The following TCF20 variants were observed in gnomAD, a reference collection of about 807,000 sequenced individuals.
TCF20 encodes the protein SPRE-binding protein.
TCF20 carries 3 observed loss-of-function variants against 148.6 expected under a neutral mutation model. That is an observed-to-expected ratio of 0.02 (90% CI 0.01 to 0.05). The LOEUF (loss-of-function observed/expected upper bound fraction) is 0.05, where lower values mean the gene tolerates loss of function less well. Ranked by LOEUF, TCF20 falls within the 10% of genes least tolerant of loss-of-function variation. The probability of loss-of-function intolerance (pLI) is 1.00; values close to 1 mark genes in which losing one functional copy is unlikely to be tolerated. For synonymous variants in TCF20, 1,049 were observed against 909.5 expected (o/e 1.15, Z -2.76); for missense variants, 2,350 against 2,429.3 (o/e 0.97, Z 0.69).
intron 2 of TCF20, among the ~76,000 whole-genome samples, chr22:42,191,020 CAAAACAAAGGA>C (rs142956848): frequency 0.013 from 2,045 of 152,078 alleles, 45 homozygotes; most frequent in African/African-American, 0.046. Flanking sequence ...TTTATGGAGG[CAAAACAAAGGA>C]GGAACAAAAA....
At chr22:42,289,606 G>A (rs1462995720) in intron 1 of TCF20, among the ~76,000 whole-genome samples, 1 of 152,228 alleles carries the variant, frequency 6.6e-6, no homozygotes, top group African/African-American at 2.4e-5. Context: ...GTGCGGTGAA[G>A]CTGCAACTCC....
chr22:42,166,384 G>C (rs925668169), intron 5 of TCF20, among the ~76,000 whole-genome samples: 2 of 152,230 alleles, frequency 1.3e-5, no homozygotes, highest in African/African-American at 4.8e-5. Context: ...AAGGCGGGAA[G>C]ATCACTTGAT....
At chr22:42,302,163 T>C (rs1927348418) in intron 1 of TCF20, among the ~76,000 whole-genome samples, 1 of 152,154 alleles carries the variant, frequency 6.6e-6, no homozygotes, top group African/African-American at 2.4e-5. Context: ...GGTGCCTTGA[T>C]GCTGCCTTAA....
At chr22:42,205,963 G>A (rs1938358326) in intron 2 of TCF20, among the ~76,000 whole-genome samples, 2 of 152,038 alleles carry the variant, frequency 1.3e-5, no homozygotes, top group South Asian at 4.1e-4. Context: ...TAGTAGACAC[G>A]GGGTTTGACC....
intron 2 of TCF20, among the ~76,000 whole-genome samples, chr22:42,199,467 A>G (rs1435892817): frequency 6.6e-6 from 1 of 152,146 alleles, no homozygotes; most frequent in Non-Finnish European, 1.5e-5. Context: ...CACAACAGAG[A>G]GGTTTTCTTC....
intron 3 of TCF20, among the ~76,000 whole-genome samples, chr22:42,170,535 G>A (rs1347600795): frequency 6.8e-6 from 1 of 146,460 alleles, no homozygotes; most frequent in Non-Finnish European, 1.5e-5. Flanking sequence ...GGCTGAGGCA[G>A]GAGAATCACT....
chr22:42,300,389 TA>T (rs879379702), intron 1 of TCF20, among the ~76,000 whole-genome samples: 86 of 138,344 alleles, frequency 6.2e-4, no homozygotes, highest in Admixed American at 6.4e-4. Flanking sequence ...TGGCTCAAAC[TA>T]AAAAAAAAAA....
intron 1 of TCF20, among the ~76,000 whole-genome samples, chr22:42,264,254 T>G (rs1025459801): frequency 9.8e-5 from 11 of 111,896 alleles, no homozygotes; most frequent in African/African-American, 3.9e-4. Flanking sequence ...CAGGTCTAGA[T>G]CTAAAGTGGG....
At chr22:42,295,097 T>C (rs1244895489) in intron 1 of TCF20, among the ~76,000 whole-genome samples, 2 of 152,152 alleles carry the variant, frequency 1.3e-5, no homozygotes, top group African/African-American at 4.8e-5. Context: ...CTGAGGGAGA[T>C]GACAGCGTGG....
intron 1 of TCF20, among the ~76,000 whole-genome samples, chr22:42,296,316 CTG>C (rs1174218373): frequency 2.0e-5 from 3 of 152,240 alleles, no homozygotes; most frequent in Non-Finnish European, 2.9e-5. Flanking sequence ...GTGTCTGACC[CTG>C]TGAGACAGGC....
intron 1 of TCF20, among the ~76,000 whole-genome samples, chr22:42,245,664 C>T (rs539905407): frequency 1.3e-5 from 2 of 152,160 alleles, no homozygotes; most frequent in Non-Finnish European, 2.9e-5. Context: ...ACCTTTCTGC[C>T]CACCTGCTCA....
chr22:42,173,874 T>TC (rs1183495907), intron 3 of TCF20, among the ~76,000 whole-genome samples: 2 of 152,100 alleles, frequency 1.3e-5, no homozygotes, highest in Non-Finnish European at 2.9e-5. Context: ...CCCTCACTCC[T>TC]CCCAACCCAG....
intron 1 of TCF20, among the ~76,000 whole-genome samples, chr22:42,220,461 G>A (rs754153174): frequency 1.3e-5 from 2 of 152,172 alleles, no homozygotes; most frequent in Non-Finnish European, 2.9e-5. Context: ...ACCTCCCAAA[G>A]TGCTAGAATT....
intron 1 of TCF20, among the ~76,000 whole-genome samples, chr22:42,248,325 C>G (rs549516641): frequency 6.6e-6 from 1 of 152,276 alleles, no homozygotes; most frequent in South Asian, 2.1e-4. Context: ...GCATGCCAGC[C>G]CTGGCTCTAT....
At chr22:42,291,283 C>T (rs1477548127) in intron 1 of TCF20, among the ~76,000 whole-genome samples, 2 of 152,210 alleles carry the variant, frequency 1.3e-5, no homozygotes, top group South Asian at 2.1e-4. Flanking sequence ...CCAATGACCG[C>T]GGTCCAGCCT....
At chr22:42,168,980 C>T (rs1417324110) in intron 4 of TCF20, among the ~76,000 whole-genome samples, 1 of 151,840 alleles carries the variant, frequency 6.6e-6, no homozygotes, top group Non-Finnish European at 1.5e-5. Context: ...ATCCTGTGAC[C>T]ACTCCCCGCC....
chr22:42,225,000 C>CTTT (rs34550174), intron 1 of TCF20, among the ~76,000 whole-genome samples: 2,980 of 130,224 alleles, frequency 0.023, 92 homozygotes, highest in Non-Finnish European at 0.026. Context: ...GAAATAATCA[C>CTTT]TTTTTTTTTT....
At chr22:42,271,847 T>C (rs939811561), upstream of TCF20, among the ~76,000 whole-genome samples, 6 of 152,226 alleles carry the variant, frequency 3.9e-5, no homozygotes, top group Non-Finnish European at 7.3e-5. Flanking sequence ...CCAGGTGTGG[T>C]CTGGAACCCA....
intron 2 of TCF20, among the ~76,000 whole-genome samples, chr22:42,200,516 T>C (rs1260466938): frequency 1.3e-5 from 2 of 151,878 alleles, no homozygotes; most frequent in African/African-American, 4.8e-5. Context: ...TGGCACATGC[T>C]TGTAATCCCA....
Sources: gnomAD v4.1 joint callset for allele counts (sites outside exome capture counted in the v4.1 genomes callset) on GRCh38, gnomAD v4.1.1 for gene constraint, MANE v1.5 for transcripts, NCBI Gene and HGNC (gene_info 2026-07-23, HGNC 2026-07-21) for gene names.